Variants in PANK2 observed in about 807,000 individuals in gnomAD.
PANK2 encodes the protein pantothenate kinase 2, mitochondrial.
Under a neutral mutation model 43.1 loss-of-function variants are expected in PANK2, and 36 were observed. The observed-to-expected ratio is 0.84, with a 90% CI of 0.64 to 1.10. The LOEUF is 1.10. Among genes scored for constraint, PANK2 ranks in the 50% least tolerant of loss-of-function variants. PANK2 has a pLI of 0.00. For synonymous variants in PANK2, 281 were observed against 238.2 expected (o/e 1.18, Z -1.66); for missense variants, 576 against 593.3 (o/e 0.97, Z 0.30).
intron 4 of PANK2, among the ~76,000 whole-genome samples, chr20:3,916,612 A>G (rs763731944): frequency 6.6e-6 from 1 of 152,164 alleles, no homozygotes; most frequent in Non-Finnish European, 1.5e-5. Flanking sequence ...TTGTCCTGGA[A>G]CTGTCTGGTT....
intron 1 of PANK2, among the ~76,000 whole-genome samples, chr20:3,890,658 A>C (rs1419471170): frequency 6.6e-6 from 1 of 152,200 alleles, no homozygotes; most frequent in African/African-American, 2.4e-5. Flanking sequence ...ACTTGTTTAA[A>C]TGCAGATTGT....
Position 3,910,674 on chromosome 20 carries a change from G to C in PANK2, c.749G>C (p.Cys250Ser). The C allele has an allele frequency of 6.2e-7, 1 of 1,614,138 alleles. No homozygotes were observed. The highest frequency in any genetic ancestry group is 8.5e-7 in the Non-Finnish European group (1 of 1,180,008). Residue 250 changes from cysteine (C) to serine (S), a missense_variant, in exon 3 of 7, where the codon TGC becomes TCC. By Grantham distance (112) the Cys-to-Ser change is moderately radical. Coordinates refer to ENST00000610179, the MANE Select transcript of PANK2 (RefSeq NM_001386393.1). ...GTCGGATTCAATGGACGGTCACAGT[G>C]CTATTACTTTGAAAACCCTGCTGAT...
chr20:3,929,431 C>G lies in PANK2; in HGVS notation c.*6137C>G, dbSNP rs1415903466. On this transcript the variant is annotated 3_prime_UTR_variant, in exon 7 of 7. Coordinates refer to ENST00000610179, the MANE Select transcript of PANK2 (RefSeq NM_001386393.1). ...AAGTTGGGAGGGAAAGGGAGTAGCT[C>G]CATGAACTGACGCTGGACATTCAGG... The G allele has an allele frequency of 6.6e-6, 1 of 152,284 alleles. No individual in the cohort carries two copies. Among genetic ancestry groups the G allele is most frequent in the African/African-American group, 2.4e-5 (1 of 41,450 alleles). 9.4% of individuals were successfully genotyped at this position (152,284 alleles called of 1,614,324 possible).
At chr20:3,923,074 A>T (rs1414132819) in intron 6 of PANK2, among the ~76,000 whole-genome samples, 170 bp from the exon 7 acceptor site, 1 of 151,700 alleles carries the variant, frequency 6.6e-6, no homozygotes, top group African/African-American at 2.4e-5. Context: ...CCAGACAGGG[A>T]CTCCTTAGGG....
At chr20:3,896,269 G>A (rs1290140698) in intron 1 of PANK2, among the ~76,000 whole-genome samples, 15 of 147,762 alleles carry the variant, frequency 1.0e-4, no homozygotes, top group Non-Finnish European at 1.8e-4. Context: ...TAGTAGAGAC[G>A]GGGTTTCACC....
chr20:3,910,307 TG>T (rs138501156), intron 2 of PANK2, among the ~76,000 whole-genome samples: 5 of 150,148 alleles, frequency 3.3e-5, no homozygotes, highest in Non-Finnish European at 7.4e-5. Context: ...TTTTTTTTTT[TG>T]TTTTTTTTGT....
intron 3 of PANK2, 152 bp downstream of exon 3, chr20:3,910,982 A>T: frequency 9.9e-7 from 1 of 1,009,238 alleles, no homozygotes; most frequent in Non-Finnish European, 1.5e-6. Flanking sequence ...TTCTGATTTT[A>T]TGACCTAGTT....
chr20:3,901,390 C>G (rs935018173), intron 1 of PANK2, among the ~76,000 whole-genome samples: 2 of 151,014 alleles, frequency 1.3e-5, no homozygotes, highest in African/African-American at 4.8e-5. Context: ...TGTCAATCAG[C>G]TTTTTTGAAC....
At chr20:3,888,793 A>G (rs2090056464), upstream of PANK2, 1 of 364,984 alleles carries the variant, frequency 2.7e-6, no homozygotes. Flanking sequence ...TCCTTCTGGT[A>G]CCTCTCTCTC....
intron 1 of PANK2, among the ~76,000 whole-genome samples, chr20:3,895,199 A>G (rs1049532710): frequency 6.6e-6 from 1 of 152,126 alleles, no homozygotes; most frequent in African/African-American, 2.4e-5. Context: ...ACTCGAACCC[A>G]GGAGGTGGAA....
chr20:3,903,995 C>G (rs1421930227), intron 1 of PANK2, among the ~76,000 whole-genome samples: 1 of 151,792 alleles, frequency 6.6e-6, no homozygotes, highest in Non-Finnish European at 1.5e-5. Flanking sequence ...ATGATTTCAC[C>G]ATATTGGTCA....
chr20:3,913,989 C>T (rs1367863374), intron 4 of PANK2, among the ~76,000 whole-genome samples: 1 of 151,690 alleles, frequency 6.6e-6, no homozygotes, highest in Admixed American at 6.6e-5. Flanking sequence ...TGGGGTTTCA[C>T]TATGTTGGCC....
intron 1 of PANK2, chr20:3,891,330 G>C (rs2090119698): frequency 6.6e-6 from 1 of 152,108 alleles, no homozygotes; most frequent in South Asian, 2.1e-4. Context: ...CAAAGTGCTG[G>C]GATATAGACG....
chr20:3,921,174 A>G (rs1042597854), intron 6 of PANK2: 23 of 151,820 alleles, frequency 1.5e-4, no homozygotes, highest in Non-Finnish European at 2.2e-4. Flanking sequence ...TACATTAAGT[A>G]TATCTCCTAA....
intron 3 of PANK2, among the ~76,000 whole-genome samples, chr20:3,911,566 A>G (rs1437703438): frequency 6.8e-6 from 1 of 147,932 alleles, no homozygotes; most frequent in African/African-American, 2.5e-5. Flanking sequence ...CCTGGGTGAC[A>G]GAGTGAGACT....
At position 3,922,987 on chromosome 20, in the gene PANK2, C is replaced by T. The variant is rs11906612; in HGVS notation, c.1333-257C>T. ...CTGCTGGCCTCATAGCTCCTGTCGC[C>T]CTCACTGCGGGTTTGGTTTTCCTCT... is the stretch of plus-strand genomic sequence containing the variant. On this transcript the variant is annotated intron_variant, in intron 6 of 6. Transcript: ENST00000610179. Among the ~76,000 whole-genome samples, 17,762 of 152,222 alleles carry T rather than the reference C, an allele frequency of 0.12. 1,392 individuals carry two copies. The highest frequency in any genetic ancestry group is 0.17 in the Non-Finnish European group (11,871 of 68,002).
chr20:3,917,591 A>G (rs745589440), intron 5 of PANK2: 11 of 512,120 alleles, frequency 2.1e-5, no homozygotes, highest in Non-Finnish European at 4.1e-5. Context: ...TGCCCTTGGG[A>G]AAAGAGGATC....
intron 4 of PANK2, among the ~76,000 whole-genome samples, chr20:3,913,978 A>G (rs1373722186): frequency 6.6e-6 from 1 of 151,524 alleles, no homozygotes; most frequent in Admixed American, 6.6e-5. Context: ...TTTAGCAGAG[A>G]TGGGGTTTCA....
At chr20:3,908,628 G>T in intron 2 of PANK2, 1 of 247,006 alleles carries the variant, frequency 4.0e-6, no homozygotes, top group Non-Finnish European at 8.0e-6. Flanking sequence ...TCATAAAATT[G>T]TTTTCAGTCT....
Sources: allele counts gnomAD v4.1 joint callset (sites outside exome capture counted in the v4.1 genomes callset), GRCh38; gene constraint gnomAD v4.1.1; transcripts MANE v1.5; gene names NCBI Gene and HGNC (gene_info 2026-07-23, HGNC 2026-07-21).